RIMS2: variants seen among roughly 807,000 people sequenced by gnomAD.
The protein encoded by RIMS2 is regulating synaptic membrane exocytosis 2, also known as regulating synaptic membrane exocytosis protein 2.
In RIMS2, 59 loss-of-function variants were observed where a neutral mutation model predicts 174.4. That is an observed-to-expected ratio of 0.34 (90% CI 0.27 to 0.42). The LOEUF is 0.42. RIMS2 is among the 10% of genes least tolerant of loss of function. RIMS2 has a pLI of 1.00. For missense variants in RIMS2, 1,620 were observed against 1,666.3 expected (o/e 0.97, Z 0.48); for synonymous variants, 606 against 572.5 (o/e 1.06, Z -0.84).
chr8:103,579,248 C>T (rs1333167364), intron 1 of RIMS2, among the ~76,000 whole-genome samples: 3 of 141,912 alleles, frequency 2.1e-5, no homozygotes, highest in Admixed American at 7.0e-5. Flanking sequence ...CTCCCTCTCT[C>T]TCTGTCTCTG....
At chr8:103,948,933 C>A (rs2084528336) in intron 14 of RIMS2, among the ~76,000 whole-genome samples, 1 of 150,654 alleles carries the variant, frequency 6.6e-6, no homozygotes, top group Non-Finnish European at 1.5e-5. Flanking sequence ...CGAGACCAAC[C>A]TGTACAACAT....
chr8:103,945,222 C>T (rs1367731106), intron 14 of RIMS2, among the ~76,000 whole-genome samples: 3 of 151,848 alleles, frequency 2.0e-5, no homozygotes, highest in East Asian at 3.9e-4. Flanking sequence ...AAAAGTTAAA[C>T]AACATTACAG....
chr8:103,916,714 A>T (rs1433637017), intron 8 of RIMS2, among the ~76,000 whole-genome samples, 177 bp downstream of exon 11: 3 of 152,148 alleles, frequency 2.0e-5, no homozygotes, highest in African/African-American at 7.2e-5. Context: ...TCTTTATCTG[A>T]TCATATAGAT....
At chr8:103,839,399 C>G (rs146159900) in intron 3 of RIMS2, among the ~76,000 whole-genome samples, 96 of 152,098 alleles carry the variant, frequency 6.3e-4, no homozygotes, top group Admixed American at 1.8e-3. Flanking sequence ...GGAGGATCAC[C>G]TTGATCTTGT....
intron 19 of RIMS2, among the ~76,000 whole-genome samples, chr8:104,173,240 T>C (rs1405500703): frequency 6.6e-6 from 1 of 152,116 alleles, no homozygotes; most frequent in South Asian, 2.1e-4. Flanking sequence ...TTAAAATGAG[T>C]ATTCATTTTC....
intron 19 of RIMS2, among the ~76,000 whole-genome samples, chr8:104,136,599 A>T (rs1257190065): frequency 6.6e-6 from 1 of 152,246 alleles, no homozygotes; most frequent in Non-Finnish European, 1.5e-5. Context: ...CATATACACC[A>T]TGGAATGCTA....
intron 2 of RIMS2, among the ~76,000 whole-genome samples, chr8:103,756,346 G>T (rs1198880953): frequency 6.6e-6 from 1 of 151,178 alleles, no homozygotes; most frequent in Non-Finnish European, 1.5e-5. Flanking sequence ...CGGCCATCTT[G>T]GAATGGATCC....
intron 19 of RIMS2, among the ~76,000 whole-genome samples, chr8:104,046,713 G>T (rs574568744): frequency 5.9e-5 from 9 of 151,788 alleles, no homozygotes; most frequent in Non-Finnish European, 1.2e-4. Flanking sequence ...GATTAACTCA[G>T]TATTATTGAT....
chr8:104,116,488 A>G (rs1041977317), intron 19 of RIMS2, among the ~76,000 whole-genome samples: 3 of 152,152 alleles, frequency 2.0e-5, no homozygotes, highest in Admixed American at 6.5e-5. Context: ...AGCTTTATTG[A>G]TATTGCTAGA....
intron 4 of RIMS2, among the ~76,000 whole-genome samples, chr8:103,897,838 A>T (rs75346586): frequency 6.6e-6 from 1 of 151,420 alleles, no homozygotes; most frequent in East Asian, 1.9e-4. Flanking sequence ...TTAATACCAT[A>T]TAGTTTGTTA....
intron 3 of RIMS2, among the ~76,000 whole-genome samples, chr8:103,847,265 A>T (rs1272248311): frequency 6.6e-6 from 1 of 152,064 alleles, no homozygotes; most frequent in Non-Finnish European, 1.5e-5. Context: ...TAGATCTGTG[A>T]ATTCTACGTA....
Position 103,799,341 on chromosome 8 carries a change from A to T in RIMS2, c.698+32804A>T, listed in dbSNP as rs75665248. Among the ~76,000 whole-genome samples the T allele has an allele frequency of 1.4e-4, 21 of 152,278 alleles. No individual in the cohort carries two copies. In the East Asian group the frequency reaches 4.0e-3, roughly 29 times the overall value. ...AAATTAATAGATACTCCCTTGTGTG[A>T]ATATACTATATTTTATTTGACATCC... On this transcript the variant is annotated intron_variant, in intron 3 of 23. Transcript: ENST00000504942.
intron 1 of RIMS2, among the ~76,000 whole-genome samples, chr8:103,632,316 T>C (rs1210449558): frequency 1.3e-5 from 2 of 152,190 alleles, no homozygotes; most frequent in Non-Finnish European, 2.9e-5. Flanking sequence ...CCTAGTAGAG[T>C]TTTTAACATG....
chr8:104,100,806 ATT>A (rs936763765), intron 19 of RIMS2, among the ~76,000 whole-genome samples: 33 of 141,368 alleles, frequency 2.3e-4, no homozygotes, highest in Middle Eastern at 3.6e-3. Flanking sequence ...TTATATATAT[ATT>A]ATATATTATA....
At chr8:103,655,094 G>A (rs1178973990) in intron 1 of RIMS2, among the ~76,000 whole-genome samples, 9 of 151,844 alleles carry the variant, frequency 5.9e-5, no homozygotes. Flanking sequence ...GGCAATTGAT[G>A]TGAAATTATA....
chr8:103,853,520 T>C (rs1354489897), intron 3 of RIMS2, among the ~76,000 whole-genome samples: 1 of 152,100 alleles, frequency 6.6e-6, no homozygotes, highest in Non-Finnish European at 1.5e-5. Context: ...TTTGAGGTCT[T>C]ACATTGAACT....
intron 4 of RIMS2, among the ~76,000 whole-genome samples, chr8:103,907,687 A>G (rs1594922000): frequency 6.6e-6 from 1 of 151,806 alleles, no homozygotes; most frequent in East Asian, 1.9e-4. Flanking sequence ...ATTATTGCCA[A>G]TTTATGTCTC....
intron 1 of RIMS2, among the ~76,000 whole-genome samples, chr8:103,626,835 G>T (rs571135133): frequency 2.0e-5 from 3 of 152,194 alleles, no homozygotes; most frequent in South Asian, 2.1e-4. Flanking sequence ...GGGAGGGGGG[G>T]TGTACAAACA....
chr8:103,656,986 C>G lies in RIMS2; in HGVS notation c.177-40100C>G, dbSNP rs1800178998. ...CTCCAGCTGGGGGAGGGGAAAGTAA[C>G]CATTCTGAAATAGCCCAGGGAAGGA... On this transcript the variant is annotated intron_variant, in intron 1 of 23. Transcript: ENST00000504942. Among the ~76,000 whole-genome samples the G allele has an allele frequency of 2.0e-5, 3 of 152,098 alleles. No individual in the cohort carries two copies. The South Asian group carries it at 6.2e-4, about 31-fold the overall frequency.
Sources: gnomAD v4.1 joint callset for allele counts (sites outside exome capture counted in the v4.1 genomes callset) on GRCh38, gnomAD v4.1.1 for gene constraint, MANE v1.5 for transcripts, NCBI Gene and HGNC (gene_info 2026-07-23, HGNC 2026-07-21) for gene names.